The following ESRRG variants were observed in gnomAD, a reference collection of about 807,000 sequenced individuals.
ESRRG encodes estrogen related receptor gamma.
Under a neutral mutation model 44.0 loss-of-function variants are expected in ESRRG, and 13 were observed. The ratio of observed to expected loss-of-function variants is 0.30; its 90% CI spans 0.19 to 0.47. ESRRG has a LOEUF of 0.47. ESRRG is among the 20% of genes least tolerant of loss of function. ESRRG has a pLI of 1.00. For missense variants in ESRRG, 395 were observed against 580.6 expected, an observed-to-expected ratio of 0.68 and a Z score of 3.29; for synonymous variants, 215 against 214.6, an observed-to-expected ratio of 1.00 and a Z score of -0.02.
chr1:216,637,008 G>A (rs1005274924), intron 3 of ESRRG, among the ~76,000 whole-genome samples: 2 of 152,168 alleles, frequency 1.3e-5, no homozygotes, highest in Non-Finnish European at 2.9e-5. Flanking sequence ...CTGCTGGGGA[G>A]ACCTGCAGAC....
chr1:216,617,037 T>A (rs2061514762), intron 3 of ESRRG, among the ~76,000 whole-genome samples: 1 of 152,222 alleles, frequency 6.6e-6, no homozygotes, highest in Non-Finnish European at 1.5e-5. Context: ...ATCTGTCAGA[T>A]GACATTTTCA....
intron 1 of ESRRG, among the ~76,000 whole-genome samples, chr1:217,118,178 A>G (rs1236470313): frequency 6.6e-6 from 1 of 152,224 alleles, no homozygotes; most frequent in East Asian, 1.9e-4. Flanking sequence ...ACCATGAGTA[A>G]CATAATTTGC....
intron 5 of ESRRG, among the ~76,000 whole-genome samples, chr1:216,540,710 T>C (rs888251343): frequency 6.6e-6 from 1 of 151,990 alleles, no homozygotes; most frequent in East Asian, 1.9e-4. Flanking sequence ...AACCGAAATA[T>C]AGGAGAAACA....
chr1:216,669,176 T>C (rs1015376593), intron 2 of ESRRG, among the ~76,000 whole-genome samples: 4 of 152,234 alleles, frequency 2.6e-5, no homozygotes, highest in Non-Finnish European at 4.4e-5. Context: ...TGTGATAACC[T>C]AAGATATTTA....
chr1:216,551,760 A>G (rs909562531), intron 5 of ESRRG, among the ~76,000 whole-genome samples: 27 of 152,188 alleles, frequency 1.8e-4, no homozygotes, highest in Admixed American at 7.2e-4. Context: ...TATTTTGTGC[A>G]GAGAGATATA....
chr1:217,090,583 G>A (rs1268247987), upstream of ESRRG: 1 of 152,134 alleles, frequency 6.6e-6, no homozygotes, highest in African/African-American at 2.4e-5. Context: ...TTGTCTCCCA[G>A]AGATGTTCTT....
At chr1:217,026,260 G>T (rs2081161133) in intron 1 of ESRRG, among the ~76,000 whole-genome samples, 1 of 152,144 alleles carries the variant, frequency 6.6e-6, no homozygotes, top group Admixed American at 6.6e-5. Flanking sequence ...CCATCCAATT[G>T]GCCAAATGGA....
At chr1:216,730,569 A>G (rs1269247074) in intron 2 of ESRRG, among the ~76,000 whole-genome samples, 1 of 152,124 alleles carries the variant, frequency 6.6e-6, no homozygotes, top group Non-Finnish European at 1.5e-5. Context: ...CAGTAATGGA[A>G]CTCAAGACAT....
intron 1 of ESRRG, among the ~76,000 whole-genome samples, chr1:216,948,316 C>T (rs1051796640): frequency 2.6e-5 from 4 of 151,300 alleles, no homozygotes; most frequent in African/African-American, 4.9e-5. Context: ...CAGCACTTTG[C>T]GAGGCAGAGG....
upstream of ESRRG, among the ~76,000 whole-genome samples, chr1:216,727,055 T>C (rs11117665): frequency 0.062 from 9,368 of 152,236 alleles, 362 homozygotes; most frequent in African/African-American, 0.091. Context: ...TTAGCTCCTA[T>C]CTTTCTTTTC....
chr1:216,613,793 T>A (rs983208903), intron 3 of ESRRG, among the ~76,000 whole-genome samples: 14 of 152,218 alleles, frequency 9.2e-5, no homozygotes, highest in African/African-American at 3.1e-4. Flanking sequence ...AAACTAACAA[T>A]GGAAAATATA....
chr1:216,899,520 C>T (rs1382663301), intron 2 of ESRRG, among the ~76,000 whole-genome samples: 3 of 152,148 alleles, frequency 2.0e-5, no homozygotes, highest in Non-Finnish European at 4.4e-5. Context: ...AATCCTAGGA[C>T]GCTTAGGAGA....
chr1:217,020,195 T>C (rs2080073016), intron 1 of ESRRG, among the ~76,000 whole-genome samples: 1 of 152,080 alleles, frequency 6.6e-6, no homozygotes, highest in Non-Finnish European at 1.5e-5. Context: ...AGCACTTCAG[T>C]GACAATGAAT....
intron 3 of ESRRG, among the ~76,000 whole-genome samples, chr1:216,584,167 T>A (rs2063317035): frequency 6.6e-6 from 1 of 152,156 alleles, no homozygotes; most frequent in Non-Finnish European, 1.5e-5. Context: ...TATATACATA[T>A]AGGGCTTATA....
chr1:217,017,861 C>G (rs1446553922), intron 1 of ESRRG, among the ~76,000 whole-genome samples: 1 of 152,148 alleles, frequency 6.6e-6, no homozygotes, highest in Non-Finnish European at 1.5e-5. Flanking sequence ...ATTGCATAAC[C>G]CCTTAGCAGG....
At chr1:216,538,833 G>A (rs368264101) in intron 5 of ESRRG, among the ~76,000 whole-genome samples, 3 of 151,912 alleles carry the variant, frequency 2.0e-5, no homozygotes, top group Admixed American at 6.6e-5. Context: ...ATTAAATAAA[G>A]TCCATAAGAT....
intron 1 of ESRRG, among the ~76,000 whole-genome samples, chr1:216,677,925 T>C (rs1185220248): frequency 1.3e-5 from 2 of 152,238 alleles, no homozygotes; most frequent in African/African-American, 2.4e-5. Context: ...TAAAATTGTA[T>C]TTATCCTCAT....
intron 5 of ESRRG, among the ~76,000 whole-genome samples, chr1:216,523,507 T>TC (rs1423866238): frequency 6.6e-6 from 1 of 151,160 alleles, no homozygotes; most frequent in East Asian, 1.9e-4. Context: ...TTTTTGTTTT[T>TC]TTTTTTTTTT....
chr1:216,949,469 C>A (rs2066603680), intron 1 of ESRRG, among the ~76,000 whole-genome samples: 1 of 152,118 alleles, frequency 6.6e-6, no homozygotes, highest in South Asian at 2.1e-4. Context: ...AACCTTCTTT[C>A]AACAGAAAGA....
Sources: allele counts gnomAD v4.1 joint callset (sites outside exome capture counted in the v4.1 genomes callset), GRCh38; gene constraint gnomAD v4.1.1; transcripts MANE v1.5; gene names NCBI Gene and HGNC (gene_info 2026-07-23, HGNC 2026-07-21).